Variants in DLGAP3 observed in about 807,000 individuals in gnomAD.
The protein encoded by DLGAP3 is DLG associated protein 3, also known as disks large-associated protein 3.
A neutral mutation model predicts 81.2 loss-of-function variants in DLGAP3; 17 were observed. The observed-to-expected ratio is 0.21, with a 90% CI of 0.14 to 0.31. The LOEUF (loss-of-function observed/expected upper bound fraction) is 0.31, where lower values mean the gene tolerates loss of function less well. Among genes scored for constraint, DLGAP3 ranks in the 10% least tolerant of loss-of-function variants. DLGAP3 has a pLI of 1.00. For missense variants in DLGAP3, 1,124 were observed against 1,388.0 expected (o/e 0.81, Z 3.02); for synonymous variants, 577 against 587.4 (o/e 0.98, Z 0.26).
At position 34,904,525 on chromosome 1, in the gene DLGAP3, A is replaced by G; in HGVS notation, c.859T>C (p.Phe287Leu). The G allele has an allele frequency of 6.2e-7, 1 of 1,614,184 alleles. No individual in the cohort carries two copies. Among genetic ancestry groups the G allele is most frequent in the Non-Finnish European group, 8.5e-7 (1 of 1,180,002 alleles). The change falls in exon 3 of 12, where the codon TTC becomes CTC. Residue 287 changes from phenylalanine (F) to leucine (L), a missense_variant. By Grantham distance (22) the Phe-to-Leu change is conservative. Transcript: ENST00000373347. The surrounding 1 kb of genome is among the most constrained non-coding windows in gnomAD (Gnocchi z 8.1). ...GACCCATCTGGACCCTCCAGGCAGA[A>G]GGGACCACCAGGCTCCCCAGGGGGC... ...GRPPGEPGGP[F>L]CLEGPDGSYR...
chr1:34,892,017 T>G (rs941994800), intron 5 of DLGAP3, among the ~76,000 whole-genome samples: 2 of 152,238 alleles, frequency 1.3e-5, no homozygotes, highest in Non-Finnish European at 2.9e-5. Flanking sequence ...CAAGAAGGTA[T>G]GCATATCCCC....
intron 8 of DLGAP3, among the ~76,000 whole-genome samples, chr1:34,877,791 C>A (rs549489797): frequency 5.9e-5 from 9 of 152,236 alleles, no homozygotes; most frequent in African/African-American, 2.2e-4. Context: ...GAAATCACTA[C>A]TAAAATGTAA....
intron 8 of DLGAP3, among the ~76,000 whole-genome samples, chr1:34,877,695 T>C (rs925501840): frequency 1.3e-5 from 2 of 152,350 alleles, no homozygotes; most frequent in Middle Eastern, 3.4e-3. Flanking sequence ...ATTCTTGTTT[T>C]GTGCCTAAGA....
intron 8 of DLGAP3, 94 bp downstream of exon 8, chr1:34,884,884 G>T: frequency 1.0e-6 from 1 of 976,936 alleles, no homozygotes; most frequent in Non-Finnish European, 1.6e-6. Context: ...CAGGAAAAGA[G>T]GATGTGCAGG....
At chr1:34,894,246 C>T (rs1371636381) in intron 5 of DLGAP3, among the ~76,000 whole-genome samples, 1 of 120,904 alleles carries the variant, frequency 8.3e-6, no homozygotes. Flanking sequence ...ATTCAAAAGG[C>T]ATAGTGATAA....
At chr1:34,914,954 C>T (rs989005576) in intron 1 of DLGAP3, among the ~76,000 whole-genome samples, 1 of 152,170 alleles carries the variant, frequency 6.6e-6, no homozygotes, top group Non-Finnish European at 1.5e-5. Context: ...GACCTGGTAG[C>T]CAAAGATGGT....
intron 1 of DLGAP3, among the ~76,000 whole-genome samples, chr1:34,912,445 T>C (rs1455963854): frequency 1.3e-5 from 2 of 152,148 alleles, no homozygotes; most frequent in African/African-American, 4.8e-5. Flanking sequence ...TTTTAGCCAA[T>C]TCACTCCTTC....
intron 5 of DLGAP3, among the ~76,000 whole-genome samples, chr1:34,897,108 A>G (rs1245470282): frequency 6.6e-6 from 1 of 152,218 alleles, no homozygotes; most frequent in Non-Finnish European, 1.5e-5. Flanking sequence ...GGCAAATACT[A>G]AACGAAAAAA....
intron 1 of DLGAP3, among the ~76,000 whole-genome samples, chr1:34,922,256 T>A (rs59518956): frequency 0.025 from 3,800 of 152,286 alleles, 132 homozygotes; most frequent in African/African-American, 0.081. Context: ...CCCAAGGACA[T>A]AAGAATTTGA....
chr1:34,914,970 C>T (rs1639694491), intron 1 of DLGAP3, among the ~76,000 whole-genome samples: 3 of 152,186 alleles, frequency 2.0e-5, no homozygotes, highest in African/African-American at 7.2e-5. Context: ...ATGGTGGCAC[C>T]TGAGAGGACT....
intron 5 of DLGAP3, among the ~76,000 whole-genome samples, chr1:34,892,450 AT>A (rs1639326653): frequency 6.6e-6 from 1 of 152,222 alleles, no homozygotes; most frequent in Non-Finnish European, 1.5e-5. Context: ...GCAGAAAAAA[AT>A]ATTTGGAGAG....
intron 1 of DLGAP3, among the ~76,000 whole-genome samples, chr1:34,908,890 T>A (rs1203009745): frequency 6.6e-6 from 1 of 152,218 alleles, no homozygotes; most frequent in Non-Finnish European, 1.5e-5. Context: ...TTGCCCTTCT[T>A]TGGGGAAACA....
intron 1 of DLGAP3, among the ~76,000 whole-genome samples, chr1:34,908,791 G>A (rs960028750): frequency 2.4e-4 from 36 of 152,322 alleles, no homozygotes; most frequent in African/African-American, 8.2e-4. Flanking sequence ...AGCCTGGACT[G>A]TAGAAGCTGT....
intron 1 of DLGAP3, among the ~76,000 whole-genome samples, chr1:34,912,343 C>G (rs575118699): frequency 1.3e-5 from 2 of 152,234 alleles, no homozygotes; most frequent in African/African-American, 4.8e-5. Flanking sequence ...ATCTGGGTAC[C>G]CAGAGATCCA....
At chr1:34,899,941 T>C in intron 4 of DLGAP3, 127 bp downstream of exon 4, 1 of 916,902 alleles carries the variant, frequency 1.1e-6, no homozygotes, top group Admixed American at 2.0e-5. Context: ...TTACATGGAG[T>C]GGAGTGAGAC....
chr1:34,908,925 C>T (rs1480864738), intron 1 of DLGAP3, among the ~76,000 whole-genome samples: 2 of 152,246 alleles, frequency 1.3e-5, no homozygotes, highest in African/African-American at 2.4e-5. Context: ...TCAAGATAGC[C>T]TCTCAAATAG....
At chr1:34,881,239 C>T (rs1273759464) in intron 8 of DLGAP3, among the ~76,000 whole-genome samples, 1 of 152,050 alleles carries the variant, frequency 6.6e-6, no homozygotes, top group Non-Finnish European at 1.5e-5. Flanking sequence ...GTAACAAAAA[C>T]CCCTAGAGCT....
intron 8 of DLGAP3, among the ~76,000 whole-genome samples, chr1:34,879,829 T>G (rs1440259558): frequency 6.6e-6 from 1 of 152,042 alleles, no homozygotes; most frequent in Non-Finnish European, 1.5e-5. Context: ...AAGGATATAG[T>G]TATAAGGGAA....
At chr1:34,910,155 T>A (rs796836017) in intron 1 of DLGAP3, among the ~76,000 whole-genome samples, 37 of 152,336 alleles carry the variant, frequency 2.4e-4, no homozygotes, top group African/African-American at 8.7e-4. Context: ...TCTGGCATCA[T>A]CGGGCCATGG....
Sources: allele counts gnomAD v4.1 joint callset (sites outside exome capture counted in the v4.1 genomes callset), GRCh38; gene constraint gnomAD v4.1.1; non-coding constraint Gnocchi (gnomAD v3.1); transcripts MANE v1.5; gene names NCBI Gene and HGNC (gene_info 2026-07-23, HGNC 2026-07-21).